Variants in CIP2A observed in about 807,000 individuals in gnomAD.
CIP2A encodes protein CIP2A.
In CIP2A, 103 loss-of-function variants were observed where a neutral mutation model predicts 110.9. The observed-to-expected ratio is 0.93, with a 90% confidence interval of 0.79 to 1.09. The LOEUF is 1.09. Among genes scored for constraint, CIP2A ranks in the 50% least tolerant of loss-of-function variants. The pLI, the probability that CIP2A is intolerant of heterozygous loss-of-function variation, is 0.00. For missense variants in CIP2A, 1,088 were observed against 1,038.4 expected (o/e 1.05, Z -0.66); for synonymous variants, 381 against 361.6 (o/e 1.05, Z -0.61).
intron 20 of CIP2A, 142 bp from the exon 21 acceptor site, chr3:108,551,461 G>C: frequency 2.0e-6 from 1 of 505,636 alleles, no homozygotes; most frequent in Non-Finnish European, 3.3e-6. Flanking sequence ...TTATACTTCA[G>C]TTAATTCAAT....
At chr3:108,555,017 C>T (rs1358586583) in intron 17 of CIP2A, among the ~76,000 whole-genome samples, 1 of 152,152 alleles carries the variant, frequency 6.6e-6, no homozygotes, top group Non-Finnish European at 1.5e-5. Flanking sequence ...AGTAGCCAAA[C>T]TTGGCCAGCA....
At chr3:108,551,419 T>C in intron 20 of CIP2A, 100 bp from the exon 21 acceptor site, 4 of 801,456 alleles carry the variant, frequency 5.0e-6, no homozygotes, top group Non-Finnish European at 7.4e-6. Flanking sequence ...TTTTTTATTG[T>C]ACAACAACCA....
chr3:108,581,356 T>A (rs1576318282), intron 5 of CIP2A, 59 bp downstream of exon 5: 1 of 1,181,434 alleles, frequency 8.5e-7, no homozygotes, highest in East Asian at 2.4e-5. Context: ...AATACAATTT[T>A]CTTTAAGCAG....
At chr3:108,562,777 T>C (rs1437830596) in intron 13 of CIP2A, among the ~76,000 whole-genome samples, 1 of 152,052 alleles carries the variant, frequency 6.6e-6, no homozygotes, top group Non-Finnish European at 1.5e-5. Context: ...GCTTAGACCT[T>C]TTCCTTAAAC....
chr3:108,557,485 TAA>T (rs2107316325), intron 16 of CIP2A, 71 bp from the exon 17 acceptor site: 2 of 1,173,040 alleles, frequency 1.7e-6, no homozygotes, highest in South Asian at 4.2e-5. Context: ...ACCTACAATT[TAA>T]AAGTTTACTA....
intron 19 of CIP2A, 55 bp downstream of exon 19, chr3:108,553,593 C>A (rs1559687481): frequency 9.6e-6 from 14 of 1,455,730 alleles, no homozygotes; most frequent in Non-Finnish European, 1.2e-5. Flanking sequence ...ACCACTCATG[C>A]TTCCAAAATA....
rs145400641 is a variant in CIP2A at position 108,553,962 on chromosome 3, T to C, written c.2325-232A>G. ...CAGGCTGGAGTGCAGTGGCATGATC[T>C]TGTGCTCACTGCAACCTCTGCCTCC... On this transcript the variant is annotated intron_variant, in intron 18 of 20. Coordinates refer to ENST00000295746, the MANE Select transcript of CIP2A (RefSeq NM_020890.3). Among the ~76,000 whole-genome samples, 847 of 149,464 alleles carry C rather than the reference T, an allele frequency of 5.7e-3. 8 individuals are homozygous for C. Among genetic ancestry groups the C allele is most frequent in the Non-Finnish European group, 8.8e-3 (593 of 67,484 alleles).
At chr3:108,566,117 T>G (rs1180439429) in intron 11 of CIP2A, among the ~76,000 whole-genome samples, 1 of 151,786 alleles carries the variant, frequency 6.6e-6, no homozygotes, top group East Asian at 1.9e-4. Flanking sequence ...TAAAAAGCCT[T>G]TAGCAGTGAC....
intron 1 of CIP2A, among the ~76,000 whole-genome samples, chr3:108,587,390 T>C (rs1481622885): frequency 6.6e-6 from 1 of 151,832 alleles, no homozygotes; most frequent in Non-Finnish European, 1.5e-5. Context: ...ATTTCACAGA[T>C]TTTATTGAGT....
chr3:108,572,590 A>AT (rs1326798948), intron 8 of CIP2A, among the ~76,000 whole-genome samples: 1 of 132,746 alleles, frequency 7.5e-6, no homozygotes, highest in Admixed American at 7.3e-5. Context: ...AGCACCTGAC[A>AT]TTTAAAAAAA....
rs1429208857 is a variant in CIP2A at position 108,583,027 on chromosome 3, G to A, written c.307C>T (p.Leu103=). 6.2e-7 allele frequency: 1 copy of A among 1,609,138 alleles called. No homozygotes were observed. Among genetic ancestry groups the A allele is most frequent in the East Asian group, 2.2e-5 (1 of 44,598 alleles). The change falls in exon 3 of 21, where the codon CTG becomes TTG. Residue 103 remains leucine, a synonymous_variant. Transcript: ENST00000295746. ...CTGCTCCGACAAACCACTCCCGCCA[G>A]CACACTATTCAGATTATATGTATTC... ...LQNTYNLNSV[L]AGVVCRSSHT...
chr3:108,580,780 C>T (rs192327443), intron 5 of CIP2A, among the ~76,000 whole-genome samples: 1 of 152,184 alleles, frequency 6.6e-6, no homozygotes, highest in East Asian at 1.9e-4. Flanking sequence ...AGGCGTGTGC[C>T]ACCACGCCTG....
intron 4 of CIP2A, 54 bp from the exon 5 acceptor site, chr3:108,581,565 G>C: frequency 9.6e-7 from 1 of 1,041,910 alleles, no homozygotes; most frequent in Non-Finnish European, 1.5e-6. Context: ...AAGAAAAAAA[G>C]CATTAACATT....
At chr3:108,557,741 A>G (rs1233065621) in intron 16 of CIP2A, among the ~76,000 whole-genome samples, 1 of 152,166 alleles carries the variant, frequency 6.6e-6, no homozygotes, top group Non-Finnish European at 1.5e-5. Flanking sequence ...TTAACACTAA[A>G]CTGCTAAGTG....
At chr3:108,583,812 C>A (rs1418824056) in intron 2 of CIP2A, among the ~76,000 whole-genome samples, 1 of 152,022 alleles carries the variant, frequency 6.6e-6, no homozygotes, top group Non-Finnish European at 1.5e-5. Context: ...TGATGGATAT[C>A]CTAAATACCC....
In CIP2A at chr3:108,560,705, C is replaced by A; in HGVS notation, c.1771G>T (p.Gly591Cys). ...TCTTCAATATTCAATCCAGGAACAC[C>A]ATCTTTCAAATGAGGAGTTAAACAC... is the stretch of plus-strand genomic sequence containing the variant. Reference protein sequence around the residue: ...IKCLTPHLKDGVPGLNIEELI... With the variant: ...IKCLTPHLKDCVPGLNIEELI... Residue 591 changes from glycine to cysteine, a missense_variant, in exon 14 of 21, where the codon GGT (glycine) becomes TGT (cysteine). Coordinates refer to ENST00000295746, the MANE Select transcript of CIP2A (RefSeq NM_020890.3). 6.2e-7 allele frequency: 1 copy of A among 1,610,718 alleles called. No homozygotes were observed.
intron 12 of CIP2A, among the ~76,000 whole-genome samples, chr3:108,563,863 A>G (rs1269368045): frequency 6.6e-6 from 1 of 151,916 alleles, no homozygotes; most frequent in Non-Finnish European, 1.5e-5. Flanking sequence ...CAAAAACCCA[A>G]AATGCTTCAG....
chr3:108,561,109 G>A (rs1937992803), intron 13 of CIP2A, among the ~76,000 whole-genome samples: 1 of 152,122 alleles, frequency 6.6e-6, no homozygotes. Flanking sequence ...TGGATTATCT[G>A]TAATAAGTAC....
At chr3:108,578,515 T>C (rs972047417) in intron 7 of CIP2A, among the ~76,000 whole-genome samples, 5 of 152,218 alleles carry the variant, frequency 3.3e-5, no homozygotes, top group African/African-American at 1.2e-4. Flanking sequence ...ATAAAACTTA[T>C]AGATTCTATG....
Sources: allele counts gnomAD v4.1 joint callset (sites outside exome capture counted in the v4.1 genomes callset), GRCh38; gene constraint gnomAD v4.1.1; transcripts MANE v1.5; gene names NCBI Gene and HGNC (gene_info 2026-07-23, HGNC 2026-07-21).